Variants in TDRD9 observed in about 807,000 individuals in gnomAD.
TDRD9 encodes the protein ATP-dependent RNA helicase TDRD9.
A neutral mutation model predicts 172.6 loss-of-function variants in TDRD9; 124 were observed. The observed-to-expected ratio is 0.72, with a 90% CI of 0.62 to 0.83. The LOEUF is 0.83. TDRD9 is among the 40% of genes least tolerant of loss of function. The pLI is 0.00. For synonymous variants in TDRD9, 619 were observed against 617.1 expected (o/e 1.00, Z -0.05); for missense variants, 1,479 against 1,714.1 (o/e 0.86, Z 2.42).
chr14:104,012,175 C>T lies in TDRD9; in HGVS notation c.2107-2550C>T, dbSNP rs138368660. ...CAGTCCCTCCAGAGGAAACTGTTAC[C>T]CTCATGGCCCAAGGCCCCACCGTCA... On this transcript the variant is annotated intron_variant, in intron 20 of 35. Coordinates refer to ENST00000409874, the MANE Select transcript of TDRD9 (RefSeq NM_153046.3). Among the ~76,000 whole-genome samples the T allele has an allele frequency of 5.6e-3, 847 of 152,290 alleles. 6 individuals carry two copies. The highest frequency in any genetic ancestry group is 0.019 in the African/African-American group (795 of 41,556).
At chr14:103,976,464 G>A (rs370149485) in intron 7 of TDRD9, among the ~76,000 whole-genome samples, 34 of 151,904 alleles carry the variant, frequency 2.2e-4, no homozygotes, top group South Asian at 2.1e-4. Context: ...TAGTAGAGAC[G>A]GGGTTTCACT....
intron 20 of TDRD9, among the ~76,000 whole-genome samples, chr14:104,014,224 A>G (rs955442905): frequency 1.5e-5 from 1 of 67,060 alleles, no homozygotes; most frequent in East Asian, 4.0e-4. Context: ...ACAGAGCGAG[A>G]CTGTCTCAAA....
At position 104,014,807 on chromosome 14, in the gene TDRD9, A is replaced by G. The variant is rs1706700074; in HGVS notation, c.2189A>G (p.Gln730Arg). 6.2e-7 allele frequency: 1 copy of G among 1,610,982 alleles called. No individual in the cohort carries two copies. The highest frequency in any genetic ancestry group is 1.1e-5 in the South Asian group (1 of 90,940). ...HVDSRRPVMD[Q>R]EYIYKQRFIL... ...GATTCTCGGCGACCTGTCATGGACCAAGAGTATATATATAAGCAGCGATTC... is the reference window on the plus strand; with the variant it reads ...GATTCTCGGCGACCTGTCATGGACCGAGAGTATATATATAAGCAGCGATTC... Residue 730 changes from glutamine to arginine, a missense_variant, in exon 21 of 36, where the codon CAA becomes CGA. Physicochemically the swap from Gln to Arg is conservative, Grantham distance 43. Transcript: ENST00000409874.
chr14:103,946,662 A>G (rs938917590), intron 1 of TDRD9, among the ~76,000 whole-genome samples: 6 of 152,246 alleles, frequency 3.9e-5, no homozygotes, highest in Admixed American at 1.3e-4. Flanking sequence ...TAAAGATTCC[A>G]CAAAAACCTG....
intron 5 of TDRD9, among the ~76,000 whole-genome samples, chr14:103,969,635 C>T (rs1057404496): frequency 6.6e-6 from 1 of 152,218 alleles, no homozygotes; most frequent in Non-Finnish European, 1.5e-5. Flanking sequence ...ACACCTCTTA[C>T]ACTGAGGAAA....
In TDRD9 at chr14:103,966,782, T is replaced by G. The variant is rs1372682552; in HGVS notation, c.716T>G (p.Ile239Arg). Reference protein sequence around the residue: ...YMTTGVLLQKIVSAKSLMEFT... With the variant: ...YMTTGVLLQKRVSAKSLMEFT... ...ACAACTGGAGTCCTGCTTCAGAAAA[T>G]AGTTAGTGCCAAGAGTTTGATGGAA... Residue 239 changes from isoleucine (I) to arginine (R), a missense_variant, in exon 5 of 36, where the codon ATA (isoleucine) becomes AGA (arginine). By Grantham distance (97) the Ile-to-Arg change is moderately conservative (BLOSUM62 -3). Transcript: ENST00000409874. 1 of 1,550,730 alleles carries G rather than the reference T, an allele frequency of 6.4e-7. No homozygotes were observed. The highest frequency in any genetic ancestry group is 1.4e-5 in the African/African-American group (1 of 72,958).
intron 1 of TDRD9, chr14:103,940,767 T>C (rs968736613): frequency 7.4e-7 from 1 of 1,354,872 alleles, no homozygotes; most frequent in Non-Finnish European, 1.0e-6. Flanking sequence ...TATTAGGAGT[T>C]CTAAGGTGTT....
chr14:104,032,986 C>T (rs2035332096), intron 30 of TDRD9, among the ~76,000 whole-genome samples: 1 of 149,022 alleles, frequency 6.7e-6, no homozygotes, highest in Admixed American at 6.8e-5. Flanking sequence ...GGTGGCTCCA[C>T]TGGCAAGTGC....
chr14:103,949,834 A>G (rs7161468), intron 1 of TDRD9, among the ~76,000 whole-genome samples: 65,506 of 149,834 alleles, frequency 0.44, 14,384 homozygotes, highest in Admixed American at 0.52. Context: ...CGCCCGCCCC[A>G]CCACTGCACC....
chr14:104,020,433 G>C (rs541316320), intron 23 of TDRD9, among the ~76,000 whole-genome samples: 1 of 152,314 alleles, frequency 6.6e-6, no homozygotes, highest in African/African-American at 2.4e-5. Context: ...AGAGCATCCG[G>C]CTTTCCAGCC....
intron 13 of TDRD9, among the ~76,000 whole-genome samples, chr14:104,002,970 C>T (rs7493553): frequency 3.9e-5 from 6 of 152,122 alleles, no homozygotes; most frequent in African/African-American, 1.4e-4. Flanking sequence ...ACCTCGTGAT[C>T]TGCCCGCCTC....
intron 20 of TDRD9, among the ~76,000 whole-genome samples, chr14:104,011,967 A>G (rs1481976639): frequency 6.6e-6 from 1 of 152,208 alleles, no homozygotes; most frequent in South Asian, 2.1e-4. Context: ...GCAGGCTACC[A>G]GGTGTCCTTT....
At chr14:103,946,105 A>AG (rs2031545111) in intron 1 of TDRD9, among the ~76,000 whole-genome samples, 1 of 152,006 alleles carries the variant, frequency 6.6e-6, no homozygotes, top group African/African-American at 2.4e-5. Flanking sequence ...AGCTGGGACT[A>AG]TAGGCACGTG....
intron 1 of TDRD9, among the ~76,000 whole-genome samples, chr14:103,939,542 C>G (rs1040773692): frequency 6.6e-6 from 1 of 151,830 alleles, no homozygotes; most frequent in African/African-American, 2.4e-5. Context: ...TTTAAATCTG[C>G]TTGGGACTGT....
chr14:103,967,370 A>AAT (rs1407841221), intron 5 of TDRD9, among the ~76,000 whole-genome samples: 5 of 149,842 alleles, frequency 3.3e-5, no homozygotes, highest in Non-Finnish European at 7.4e-5. Context: ...AAAAAAAAAA[A>AAT]AAAGATTAGC....
intron 31 of TDRD9, among the ~76,000 whole-genome samples, chr14:104,034,295 A>G (rs1327911112): frequency 3.5e-5 from 5 of 141,210 alleles, no homozygotes; most frequent in Non-Finnish European, 6.0e-5. Flanking sequence ...GGTTCACACC[A>G]TTCTCCTGCC....
intron 34 of TDRD9, among the ~76,000 whole-genome samples, chr14:104,046,463 T>G (rs1158655123): frequency 6.6e-6 from 1 of 152,164 alleles, no homozygotes; most frequent in African/African-American, 2.4e-5. Context: ...GATGACATCA[T>G]TTACTGAAAA....
chr14:103,929,816 G>A (rs1005864899), intron 1 of TDRD9, among the ~76,000 whole-genome samples: 20 of 152,142 alleles, frequency 1.3e-4, no homozygotes, highest in African/African-American at 4.8e-4. Context: ...CACTGCGCCC[G>A]GCCTGCTTCC....
At chr14:103,951,636 C>T (rs2031874320) in intron 1 of TDRD9, among the ~76,000 whole-genome samples, 1 of 152,128 alleles carries the variant, frequency 6.6e-6, no homozygotes, top group Non-Finnish European at 1.5e-5. Context: ...TCCTGTAAGT[C>T]TCTTGGGATC....
Sources: gnomAD v4.1 joint callset for allele counts (sites outside exome capture counted in the v4.1 genomes callset) on GRCh38, gnomAD v4.1.1 for gene constraint, MANE v1.5 for transcripts, NCBI Gene and HGNC (gene_info 2026-07-23, HGNC 2026-07-21) for gene names.